IRF2BP2: variants seen among roughly 807,000 people sequenced by gnomAD.
IRF2BP2 encodes interferon regulatory factor 2-binding protein 2.
In IRF2BP2, 13 loss-of-function variants were observed where a neutral mutation model predicts 32.7. The ratio of observed to expected loss-of-function variants is 0.40; its 90% confidence interval spans 0.26 to 0.63. The LOEUF (loss-of-function observed/expected upper bound fraction) is 0.63, where lower values mean the gene tolerates loss of function less well. IRF2BP2 is among the 30% of genes least tolerant of loss of function. IRF2BP2 has a pLI of 0.42. For missense variants in IRF2BP2, 980 were observed against 830.6 expected, an observed-to-expected ratio of 1.18 and a Z score of -2.21; for synonymous variants, 555 against 384.6, an observed-to-expected ratio of 1.44 and a Z score of -5.18.
Position 234,609,628 on chromosome 1 carries a change from C to A in IRF2BP2, c.-134G>T. On this transcript the variant is annotated 5_prime_UTR_variant, in exon 1 of 2. Coordinates refer to ENST00000366609, the MANE Select transcript of IRF2BP2 (RefSeq NM_182972.3). ...CTCCCCCACCAGCGGCGGCGGCGGCCGCAAAGGCGGCGGCGGCGGCGGCAA... is the reference window on the plus strand; with the variant it reads ...CTCCCCCACCAGCGGCGGCGGCGGCAGCAAAGGCGGCGGCGGCGGCGGCAA... 2.7e-6 allele frequency: 1 copy of A among 367,380 alleles called. No homozygotes were observed. The highest frequency in any genetic ancestry group is 4.4e-6 in the Non-Finnish European group (1 of 229,598). The allele number at this position is 367,380 out of a possible 1,614,324, so 22.8% of individuals were successfully genotyped here. A position where few individuals can be genotyped will look rare whatever the true frequency, so the allele number is the denominator to read the frequency against.
intron 1 of IRF2BP2, 145 bp from the exon 2 acceptor site, chr1:234,607,997 T>A: frequency 1.5e-6 from 1 of 655,248 alleles, no homozygotes; most frequent in East Asian, 2.8e-5. Context: ...ATATACGAGT[T>A]TCAGGTGCAC....
In IRF2BP2 at chr1:234,609,378, G is replaced by A. The variant is rs776001564; in HGVS notation, c.117C>T (p.Gly39=). 8.2e-5 allele frequency: 128 copies of A among 1,557,122 alleles called. No homozygotes were observed. The highest frequency in any genetic ancestry group is 1.3e-4 in the South Asian group (11 of 85,132). ...GGTCGGCGCCCTCGTAGTTGACGCA[G>A]CCGCGGCAGACGGGTTCGGTGAAGT... The part of the protein sequence containing the change: ...IWDFTEPVCR[G]CVNYEGADRV... Residue 39 remains glycine, a synonymous_variant, in exon 1 of 2, where the codon GGC becomes GGT. Coordinates refer to ENST00000366609, the MANE Select transcript of IRF2BP2 (RefSeq NM_182972.3).
Position 234,609,622 on chromosome 1 carries a change from G to GGCGGCC in IRF2BP2, c.-134_-129dup, listed in dbSNP as rs1401243187. On this transcript the variant is annotated 5_prime_UTR_variant, in exon 1 of 2. Coordinates refer to ENST00000366609, the MANE Select transcript of IRF2BP2 (RefSeq NM_182972.3). ...CCGCGTCTCCCCCACCAGCGGCGGC[G>GGCGGCC]GCGGCCGCAAAGGCGGCGGCGGCGG... The GGCGGCC allele has an allele frequency of 7.2e-6, 3 of 418,936 alleles. No homozygotes were observed. The highest frequency in any genetic ancestry group is 1.1e-5 in the Non-Finnish European group (3 of 269,196). 26.0% of individuals were successfully genotyped at this position (418,936 alleles called of 1,614,324 possible).
At position 234,607,665 on chromosome 1, in the gene IRF2BP2, G is replaced by A; in HGVS notation, c.1236C>T (p.Thr412=). 2 of 1,614,212 alleles carry A rather than the reference G, an allele frequency of 1.2e-6. No individual in the cohort carries two copies. The highest frequency in any genetic ancestry group is 1.7e-6 in the Non-Finnish European group (2 of 1,180,030). Residue 412 remains threonine (T), a synonymous_variant, in exon 2 of 2, where the codon ACC becomes ACT. Transcript: ENST00000366609. ...PPTASPHSNR[T]TPPEAAQNGQ... ...CATTCTGGGCCGCTTCAGGCGGTGT[G>A]GTCCGGTTGGAATGAGGTGAGGCAG...
In IRF2BP2 at chr1:234,609,604, TCCC is replaced by T; in HGVS notation, c.-113_-111del. 1.9e-6 allele frequency: 1 copy of T among 517,988 alleles called. No homozygotes were observed. Among genetic ancestry groups the T allele is most frequent in the Non-Finnish European group, 2.8e-6 (1 of 351,404 alleles). The allele number at this position is 517,988 out of a possible 1,614,324, so 32.1% of individuals were successfully genotyped here. ...CCTCCTCCCCCCCCAACCCCGCGTC[TCCC>T]CCACCAGCGGCGGCGGCGGCCGCAA... On this transcript the variant is annotated 5_prime_UTR_variant, in exon 1 of 2. Coordinates refer to ENST00000366609, the MANE Select transcript of IRF2BP2 (RefSeq NM_182972.3).
rs1319274398 is a variant in IRF2BP2 at position 234,607,029 on chromosome 1, G to GAAGTCTA, written c.*101_*107dup. The GAAGTCTA allele has an allele frequency of 8.4e-6, 7 of 829,384 alleles. No homozygotes were observed. Among genetic ancestry groups the GAAGTCTA allele is most frequent in the Non-Finnish European group, 1.3e-5 (7 of 525,854 alleles). The allele number at this position is 829,384 out of a possible 1,614,324, so 51.4% of individuals were successfully genotyped here. On this transcript the variant is annotated 3_prime_UTR_variant, in exon 2 of 2. Transcript: ENST00000366609. ...ATCAAAATTATACAGCCATGTTTAT[G>GAAGTCTA]AAGTCTACATTTCCCTTGTCTTGGA... is the stretch of plus-strand genomic sequence containing the variant.
At position 234,607,131 on chromosome 1, in the gene IRF2BP2, GAA is replaced by G. The variant is rs1360115553; in HGVS notation, c.*4_*5del. The G allele has an allele frequency of 1.9e-6, 3 of 1,600,634 alleles. No homozygotes were observed. The highest frequency in any genetic ancestry group is 2.2e-5 in the East Asian group (1 of 44,656). ...TAATCATTGGGTTTTTCTGAAACCG[GAA>G]AAGTCACGAGTCTCTCTCTTTTTTC... On this transcript the variant is annotated 3_prime_UTR_variant, in exon 2 of 2. Coordinates refer to ENST00000366609, the MANE Select transcript of IRF2BP2 (RefSeq NM_182972.3).
Position 234,609,058 on chromosome 1 carries a change from G to T in IRF2BP2, c.437C>A (p.Pro146Gln). 2.3e-6 allele frequency: 3 copies of T among 1,281,712 alleles called. No homozygotes were observed. The highest frequency in any genetic ancestry group is 2.9e-6 in the Non-Finnish European group (3 of 1,017,142). The allele number at this position is 1,281,712 out of a possible 1,614,324, so 79.4% of individuals were successfully genotyped here. ...GTTCACGGGCGGCGGCTGCGGCGTC[G>T]GCGGCTGGGCCAGGCTCGCTGCCGG... ...SRPAASLAQP[P>Q]TPQPPPVNGI... is the part of the protein sequence containing the mutation. The change falls in exon 1 of 2, where the codon CCG (proline) becomes CAG (glutamine). Residue 146 changes from proline to glutamine, a missense_variant. By Grantham distance (76) the Pro-to-Gln change is moderately conservative (BLOSUM62 -1). Coordinates refer to ENST00000366609, the MANE Select transcript of IRF2BP2 (RefSeq NM_182972.3).
intron 1 of IRF2BP2, 63 bp from the exon 2 acceptor site, chr1:234,607,915 A>C (rs1672210752): frequency 7.8e-7 from 1 of 1,274,762 alleles, no homozygotes; most frequent in Non-Finnish European, 1.1e-6. Context: ...GAAAGAGATC[A>C]TTCTCTTCCT....
chr1:234,609,651 C>T lies in IRF2BP2; in HGVS notation c.-157G>A. 3.9e-6 allele frequency: 1 copy of T among 256,342 alleles called. No homozygotes were observed. Among genetic ancestry groups the T allele is most frequent in the Non-Finnish European group, 6.8e-6 (1 of 146,326 alleles). The allele number at this position is 256,342 out of a possible 1,614,324, so 15.9% of individuals were successfully genotyped here. ...GCCGCAAAGGCGGCGGCGGCGGCGG[C>T]AAAGCCCGCGAAGGCTCGGCGCCCG... On this transcript the variant is annotated 5_prime_UTR_variant, in exon 1 of 2. Transcript: ENST00000366609.
chr1:234,608,787 C>G lies in IRF2BP2; in HGVS notation c.708G>C (p.Lys236Asn), dbSNP rs1489709226. ...CGCTGCTCGACACGGATGCCGGCCG[C>G]TTGTGGGCGCCCAGATCGGTGGGCT... ...SAQPTDLGAH[K>N]RPASVSSSAA... is the part of the protein sequence containing the mutation. Residue 236 changes from lysine to asparagine, a missense_variant, in exon 1 of 2, where the codon AAG becomes AAC. Transcript: ENST00000366609. 7.0e-7 allele frequency: 1 copy of G among 1,436,910 alleles called. No individual in the cohort carries two copies. The allele number at this position is 1,436,910 out of a possible 1,614,324, so 89.0% of individuals were successfully genotyped here.
Position 234,609,552 on chromosome 1 carries a change from G to A in IRF2BP2, c.-58C>T, listed in dbSNP as rs1008723136. ...CGGAGGAGGAGGAGGGGGCGCCGCC[G>A]CCGCCCCCCACCGGCACCACGCGCG... On this transcript the variant is annotated 5_prime_UTR_variant, in exon 1 of 2. Coordinates refer to ENST00000366609, the MANE Select transcript of IRF2BP2 (RefSeq NM_182972.3). 24 of 1,094,456 alleles carry A rather than the reference G, an allele frequency of 2.2e-5. No individual in the cohort carries two copies. The highest frequency in any genetic ancestry group is 1.2e-4 in the Admixed American group (3 of 24,404). The allele number at this position is 1,094,456 out of a possible 1,614,324, so 67.8% of individuals were successfully genotyped here.
At position 234,609,844 on chromosome 1, in the gene IRF2BP2, G is replaced by A. The variant is rs1349467640; in HGVS notation, c.-350C>T. Among the ~76,000 whole-genome samples the A allele has an allele frequency of 7.0e-6, 1 of 142,850 alleles. No individual in the cohort carries two copies. The highest frequency in any genetic ancestry group is 1.6e-5 in the Non-Finnish European group (1 of 64,372). The allele number at this position is 142,850 out of a possible 152,430, so 93.7% of individuals were successfully genotyped here. Reference sequence around the variant, plus strand: ...AGCCGCGGCGGGCCTCCAGACCGGGGCGAAGACGGGCCGCGCGGGCGCGGG... The same window carrying A: ...AGCCGCGGCGGGCCTCCAGACCGGGACGAAGACGGGCCGCGCGGGCGCGGG... On this transcript the variant is annotated 5_prime_UTR_variant, in exon 1 of 2. Transcript: ENST00000366609.
chr1:234,604,725 G>C lies in IRF2BP2; in HGVS notation c.*2412C>G, dbSNP rs1256404823. 1 of 152,210 alleles carries C rather than the reference G, an allele frequency of 6.6e-6. No individual in the cohort carries two copies. The highest frequency in any genetic ancestry group is 2.1e-4 in the South Asian group (1 of 4,834). 9.4% of individuals were successfully genotyped at this position (152,210 alleles called of 1,614,324 possible). ...TGAAATCTGATACTGCCCATGTACA[G>C]TAAGTAGCTTTGTGACATTTTTATC... On this transcript the variant is annotated 3_prime_UTR_variant, in exon 2 of 2. Transcript: ENST00000366609.
rs756428134 is a variant in IRF2BP2, at chr1:234,608,775, G to A, written c.720C>T (p.Ser240=). 57 of 1,449,998 alleles carry A rather than the reference G, an allele frequency of 3.9e-5. No individual in the cohort carries two copies. The highest frequency in any genetic ancestry group is 4.8e-5 in the Non-Finnish European group (53 of 1,110,176). 89.8% of individuals were successfully genotyped at this position (1,449,998 alleles called of 1,614,324 possible). Residue 240 remains serine (S), a synonymous_variant, in exon 1 of 2, where the codon TCC becomes TCT. Coordinates refer to ENST00000366609, the MANE Select transcript of IRF2BP2 (RefSeq NM_182972.3). ...TDLGAHKRPA[S]VSSSAAVEHE... ...GCTCCACGGCAGCGCTGCTCGACACGGATGCCGGCCGCTTGTGGGCGCCCA... is the reference window on the plus strand; with the variant it reads ...GCTCCACGGCAGCGCTGCTCGACACAGATGCCGGCCGCTTGTGGGCGCCCA...
intron 1 of IRF2BP2, 77 bp from the exon 2 acceptor site, chr1:234,607,929 C>T (rs1464763599): frequency 8.4e-7 from 1 of 1,192,454 alleles, no homozygotes; most frequent in Non-Finnish European, 1.2e-6. Context: ...TCTTCCTAAC[C>T]CGAAACAAAA....
rs1672127289 is a variant in IRF2BP2, at chr1:234,605,239, G to C, written c.*1898C>G. 6.6e-6 allele frequency: 1 copy of C among 152,186 alleles called. No individual in the cohort carries two copies. Among genetic ancestry groups the C allele is most frequent in the Non-Finnish European group, 1.5e-5 (1 of 68,030 alleles). The allele number at this position is 152,186 out of a possible 1,614,324, so 9.4% of individuals were successfully genotyped here. A position where few individuals can be genotyped will look rare whatever the true frequency, so the allele number is the denominator to read the frequency against. On this transcript the variant is annotated 3_prime_UTR_variant, in exon 2 of 2. Coordinates refer to ENST00000366609, the MANE Select transcript of IRF2BP2 (RefSeq NM_182972.3). ...GAATTCTTTACAAATGTCTTTATGG[G>C]CATGTAAAATTGACTCTGCATTTCT...
chr1:234,607,719 T>C lies in IRF2BP2; in HGVS notation c.1182A>G (p.Thr394=). The change falls in exon 2 of 2, where the codon ACA becomes ACG. Residue 394 remains threonine (T), a synonymous_variant. Coordinates refer to ENST00000366609, the MANE Select transcript of IRF2BP2 (RefSeq NM_182972.3). ...GTGGTGGCGGAGACACAAAAGAGGA[T>C]GTAGGAGTCATGGGGATCTTGAGCC... ...TEGLKIPMTP[T]SSFVSPPPPT... is the part of the protein sequence containing the mutation. 2 of 1,614,108 alleles carry C rather than the reference T, an allele frequency of 1.2e-6. No individual in the cohort carries two copies. The highest frequency in any genetic ancestry group is 1.7e-6 in the Non-Finnish European group (2 of 1,180,014).
Position 234,607,276 on chromosome 1 carries a change from C to G in IRF2BP2, c.1625G>C (p.Gly542Ala), listed in dbSNP as rs764011557. The change falls in exon 2 of 2, where the codon GGA becomes GCA. Residue 542 changes from glycine to alanine, a missense_variant. Gly to Ala is a moderately conservative substitution (Grantham distance 60, BLOSUM62 0). Coordinates refer to ENST00000366609, the MANE Select transcript of IRF2BP2 (RefSeq NM_182972.3). Reference sequence around the variant, plus strand: ...GGGACAATAGACCTCTCCACTAGCTCCCTGCTGTTTGATGCTTTGTCTGGA... The same window carrying G: ...GGGACAATAGACCTCTCCACTAGCTGCCTGCTGTTTGATGCTTTGTCTGGA... ...PCSRQSIKQQ[G>A]ASGEVYCPSG... The G allele has an allele frequency of 1.2e-6, 2 of 1,614,242 alleles. No individual in the cohort carries two copies. The highest frequency in any genetic ancestry group is 2.2e-5 in the East Asian group (1 of 44,886).
Sources: gnomAD v4.1 joint callset for allele counts (sites outside exome capture counted in the v4.1 genomes callset) on GRCh38, gnomAD v4.1.1 for gene constraint, MANE v1.5 for transcripts, NCBI Gene and HGNC (gene_info 2026-07-23, HGNC 2026-07-21) for gene names.